Variants in RANBP2 observed in about 807,000 individuals in gnomAD.
The protein encoded by RANBP2 is RAN binding protein 2.
In RANBP2, 57 loss-of-function variants were observed where a neutral mutation model predicts 303.6. The ratio of observed to expected loss-of-function variants is 0.19; its 90% CI spans 0.15 to 0.23. The LOEUF is 0.23. Ranked by LOEUF, RANBP2 falls within the 10% of genes least tolerant of loss-of-function variation. The pLI, the probability that RANBP2 is intolerant of heterozygous loss-of-function variation, is 1.00. For missense variants in RANBP2, 3,138 were observed against 3,780.8 expected, an observed-to-expected ratio of 0.83 and a Z score of 4.46; for synonymous variants, 1,167 against 1,301.5, an observed-to-expected ratio of 0.90 and a Z score of 2.23.
At chr2:109,398,749 C>T in the RANBP2 span, 36 of 1,613,396 alleles carry the variant, frequency 2.2e-5, no homozygotes, top group South Asian at 4.4e-5. Flanking sequence ...CTTTCAGCGG[C>T]GTGTGGATGG....
At chr2:109,129,966 C>A in the RANBP2 span, 3 of 1,413,520 alleles carry the variant, frequency 2.1e-6, no homozygotes, top group South Asian at 1.5e-5. Context: ...CCATCCCAGG[C>A]CAGAGTGCGG....
chr2:109,629,351 ATATATTTTTTTT>A, the RANBP2 span, among the ~76,000 whole-genome samples: 1 of 6,554 alleles, frequency 1.5e-4, no homozygotes, highest in African/African-American at 5.0e-4. Flanking sequence ...ATATATATAT[ATATATTTTTTTT>A]TTTTTTTTCA....
chr2:109,121,161 G>T, the RANBP2 span, among the ~76,000 whole-genome samples: 1 of 151,924 alleles, frequency 6.6e-6, no homozygotes, highest in East Asian at 1.9e-4. Flanking sequence ...GCAGGAGAAT[G>T]ACATGCGCCC....
the RANBP2 span, among the ~76,000 whole-genome samples, chr2:109,432,251 A>G: frequency 3.3e-5 from 5 of 152,080 alleles, no homozygotes; most frequent in Non-Finnish European, 7.4e-5. Flanking sequence ...GAATCCTCCT[A>G]AGGCTGTGGG....
chr2:109,567,547 A>C, the RANBP2 span, among the ~76,000 whole-genome samples: 1 of 152,218 alleles, frequency 6.6e-6, no homozygotes, highest in Non-Finnish European at 1.5e-5. Flanking sequence ...ATATGGCTGC[A>C]CAAAAGGTAT....
chr2:108,985,568 A>G, the RANBP2 span, among the ~76,000 whole-genome samples: 3 of 152,324 alleles, frequency 2.0e-5, no homozygotes, highest in African/African-American at 7.2e-5. Flanking sequence ...GTATAAAATG[A>G]TGGGCATTTC....
chr2:108,856,901 C>A, the RANBP2 span: 1 of 1,613,114 alleles, frequency 6.2e-7, no homozygotes, highest in East Asian at 2.2e-5. Context: ...ATTAAGTCAT[C>A]TAAGAATATC....
the RANBP2 span, among the ~76,000 whole-genome samples, chr2:109,032,690 C>G: frequency 6.6e-6 from 1 of 152,184 alleles, no homozygotes; most frequent in Non-Finnish European, 1.5e-5. Flanking sequence ...ACCTCTTGCA[C>G]AGGCTGGTGG....
the RANBP2 span, among the ~76,000 whole-genome samples, chr2:108,847,899 T>C: frequency 6.6e-6 from 1 of 152,146 alleles, no homozygotes; most frequent in Non-Finnish European, 1.5e-5. Context: ...AAGATTACAA[T>C]AGACTAGGTG....
chr2:109,448,339 GC>G, the RANBP2 span, among the ~76,000 whole-genome samples: 1 of 152,176 alleles, frequency 6.6e-6, no homozygotes, highest in African/African-American at 2.4e-5. Flanking sequence ...GGAGTCCCCA[GC>G]CTCCAAGCCA....
chr2:109,613,026 T>C, the RANBP2 span: 1 of 521,338 alleles, frequency 1.9e-6, no homozygotes, highest in Non-Finnish European at 3.5e-6. Flanking sequence ...ACCACCAATG[T>C]TTACTATCAA....
the RANBP2 span, among the ~76,000 whole-genome samples, chr2:108,911,489 C>T: frequency 6.6e-6 from 1 of 152,184 alleles, no homozygotes; most frequent in Non-Finnish European, 1.5e-5. Flanking sequence ...CTCTGGATTC[C>T]AGGTTTGGCT....
the RANBP2 span, among the ~76,000 whole-genome samples, chr2:109,372,295 T>G: frequency 6.6e-6 from 1 of 152,234 alleles, no homozygotes; most frequent in Admixed American, 6.5e-5. Flanking sequence ...AGAAAGCATC[T>G]TAACACGTGT....
At chr2:109,613,080 G>C in the RANBP2 span, 1 of 692,270 alleles carries the variant, frequency 1.4e-6, no homozygotes, top group Admixed American at 2.3e-5. Flanking sequence ...ACAGGCATCG[G>C]GCCTCCAAAC....
At chr2:109,103,181 T>C in the RANBP2 span, among the ~76,000 whole-genome samples, 1 of 152,230 alleles carries the variant, frequency 6.6e-6, no homozygotes, top group Non-Finnish European at 1.5e-5. Context: ...GGCAGGCACC[T>C]TGAGTTCAGC....
the RANBP2 span, among the ~76,000 whole-genome samples, chr2:109,727,283 A>G: frequency 6.6e-6 from 1 of 152,238 alleles, no homozygotes; most frequent in Non-Finnish European, 1.5e-5. Context: ...GATAAACACC[A>G]GAGATACAAA....
At chr2:109,680,812 T>A in the RANBP2 span, among the ~76,000 whole-genome samples, 3 of 152,192 alleles carry the variant, frequency 2.0e-5, no homozygotes, top group Non-Finnish European at 4.4e-5. Flanking sequence ...CCCACCTGGA[T>A]GGCTGCTATA....
intron 24 of RANBP2, 69 bp from the exon 25 acceptor site, chr2:108,777,060 AG>A: frequency 8.3e-7 from 1 of 1,207,582 alleles, no homozygotes; most frequent in Non-Finnish European, 1.1e-6. Flanking sequence ...TGTTCTCTCT[AG>A]GTCCTGGGGT....
the RANBP2 span, chr2:108,791,407 C>T: frequency 2.3e-6 from 1 of 433,606 alleles, no homozygotes. Flanking sequence ...TAAAGTGTTC[C>T]TTAGCTGTAG....
Sources: allele counts gnomAD v4.1 joint callset (sites outside exome capture counted in the v4.1 genomes callset), GRCh38; gene constraint gnomAD v4.1.1; transcripts MANE v1.5; gene names NCBI Gene and HGNC (gene_info 2026-07-23, HGNC 2026-07-21).